Variants in PRDM5 observed in about 807,000 individuals in gnomAD.
The protein encoded by PRDM5 is PR domain zinc finger protein 5.
In PRDM5, 56 loss-of-function variants were observed where a neutral mutation model predicts 81.2. The observed-to-expected ratio is 0.69, with a 90% CI of 0.56 to 0.86. PRDM5 has a LOEUF of 0.86. Ranked by LOEUF, PRDM5 falls within the 40% of genes least tolerant of loss-of-function variation. The probability of loss-of-function intolerance (pLI) is 0.00; values close to 1 mark genes in which losing one functional copy is unlikely to be tolerated. For synonymous variants in PRDM5, 267 were observed against 256.4 expected, an observed-to-expected ratio of 1.04 and a Z score of -0.39; for missense variants, 697 against 770.1, an observed-to-expected ratio of 0.91 and a Z score of 1.12.
intron 1 of PRDM5, 31 bp downstream of exon 1, chr4:120,922,468 AGGGCGCGCGAGGTGCAG>A (rs768242130): frequency 4.4e-5 from 64 of 1,446,602 alleles, no homozygotes; most frequent in Middle Eastern, 4.6e-4. Flanking sequence ...CGGGAGGCAC[AGGGCGCGCGAGGTGCAG>A]GGGCGCGCAG....
chr4:120,741,137 T>A (rs1467148122), intron 14 of PRDM5, among the ~76,000 whole-genome samples: 1 of 152,140 alleles, frequency 6.6e-6, no homozygotes, highest in Non-Finnish European at 1.5e-5. Context: ...TATGCATGCC[T>A]CCTAATGTGT....
At chr4:120,919,863 T>C (rs186165558) in intron 1 of PRDM5, among the ~76,000 whole-genome samples, 7 of 152,330 alleles carry the variant, frequency 4.6e-5, no homozygotes, top group Non-Finnish European at 7.3e-5. Context: ...TGTAAAAGTA[T>C]GAATGAACTC....
At chr4:120,734,403 C>CAAACACACAAAT (rs1553952529) in intron 14 of PRDM5, among the ~76,000 whole-genome samples, 1 of 145,756 alleles carries the variant, frequency 6.9e-6, no homozygotes, top group African/African-American at 2.7e-5. Flanking sequence ...CACACACACA[C>CAAACACACAAAT]ACACACACAC....
intron 5 of PRDM5, 168 bp downstream of exon 5, chr4:120,818,185 T>A: frequency 1.6e-6 from 1 of 642,320 alleles, no homozygotes; most frequent in Non-Finnish European, 2.7e-6. Flanking sequence ...TAAGAAAAGA[T>A]GAGTTAATGA....
intron 14 of PRDM5, among the ~76,000 whole-genome samples, chr4:120,750,479 C>T (rs192286298): frequency 2.0e-5 from 3 of 152,234 alleles, no homozygotes; most frequent in Admixed American, 6.5e-5. Context: ...GCCTGCTGAG[C>T]GTCCAGGCCT....
At chr4:120,755,637 G>A (rs1744624987) in intron 13 of PRDM5, among the ~76,000 whole-genome samples, 1 of 152,090 alleles carries the variant, frequency 6.6e-6, no homozygotes, top group Non-Finnish European at 1.5e-5. Flanking sequence ...CTCTCATGGG[G>A]TCAACAATGC....
At chr4:120,793,205 A>G (rs1228103785) in intron 10 of PRDM5, among the ~76,000 whole-genome samples, 1 of 152,118 alleles carries the variant, frequency 6.6e-6, no homozygotes, top group Non-Finnish European at 1.5e-5. Context: ...TGGCGGCATT[A>G]GATTCTCACA....
intron 14 of PRDM5, among the ~76,000 whole-genome samples, chr4:120,736,640 G>A (rs550607782): frequency 2.7e-4 from 41 of 152,130 alleles, no homozygotes; most frequent in Non-Finnish European, 5.1e-4. Flanking sequence ...TTTACTCCAC[G>A]ACCCACCCAT....
At chr4:120,765,873 C>T (rs1043875716) in intron 13 of PRDM5, among the ~76,000 whole-genome samples, 1 of 152,048 alleles carries the variant, frequency 6.6e-6, no homozygotes, top group Non-Finnish European at 1.5e-5. Context: ...GTATCACATG[C>T]TTACATTGTG....
At chr4:120,721,942 G>A (rs770471549) in intron 14 of PRDM5, among the ~76,000 whole-genome samples, 7 of 152,202 alleles carry the variant, frequency 4.6e-5, no homozygotes, top group Non-Finnish European at 1.0e-4. Context: ...GGGCACGCGG[G>A]TGCCCAGAGA....
At chr4:120,852,733 A>G (rs1431429222) in intron 3 of PRDM5, among the ~76,000 whole-genome samples, 2 of 151,042 alleles carry the variant, frequency 1.3e-5, no homozygotes, top group African/African-American at 4.9e-5. Context: ...ATACATATAT[A>G]CACACAACCA....
In PRDM5 at chr4:120,796,166, A is replaced by G. The variant is rs144296020; in HGVS notation, c.1188+2101T>C. On this transcript the variant is annotated intron_variant, in intron 10 of 15. Transcript: ENST00000264808. ...ATTTCTGTGGCATATCCTTACTTCT[A>G]TGTTTCTCAACTAGCCATTAATGAT... is the stretch of plus-strand genomic sequence containing the variant. 7.4e-4 allele frequency among the ~76,000 whole-genome samples: 112 copies of G among 152,286 alleles called. 2 individuals carry two copies. Among genetic ancestry groups the G allele is most frequent in the African/African-American group, 2.6e-3 (108 of 41,554 alleles).
At chr4:120,837,377 TATC>T (rs1757483189) in intron 3 of PRDM5, 1 of 152,230 alleles carries the variant, frequency 6.6e-6, no homozygotes, top group African/African-American at 2.4e-5. Context: ...AGTAAAACAT[TATC>T]ATAGAGTTTC....
intron 15 of PRDM5, among the ~76,000 whole-genome samples, chr4:120,706,100 T>C (rs1481163551): frequency 6.6e-6 from 1 of 152,036 alleles, no homozygotes; most frequent in Non-Finnish European, 1.5e-5. Context: ...TTTTTTTTTT[T>C]TTCTTTTTGG....
chr4:120,691,283 C>G (rs188863765), downstream of PRDM5, among the ~76,000 whole-genome samples: 252 of 152,178 alleles, frequency 1.7e-3, 1 homozygote, highest in African/African-American at 6.0e-3. Flanking sequence ...TTCTGTCATA[C>G]AACAAATTAA....
At chr4:120,915,531 A>G (rs1724039928) in intron 1 of PRDM5, among the ~76,000 whole-genome samples, 1 of 152,222 alleles carries the variant, frequency 6.6e-6, no homozygotes, top group African/African-American at 2.4e-5. Flanking sequence ...TGCTGCAAGA[A>G]TGGCATGACA....
In PRDM5 at chr4:120,702,195, A is replaced by G. The variant is rs569540093; in HGVS notation, c.1729-6920T>C. 3.6e-4 allele frequency among the ~76,000 whole-genome samples: 55 copies of G among 152,336 alleles called. 1 individual carries two copies. Among genetic ancestry groups the G allele is most frequent in the African/African-American group, 1.3e-3 (54 of 41,566 alleles). On this transcript the variant is annotated intron_variant, in intron 15 of 15. Coordinates refer to ENST00000264808, the MANE Select transcript of PRDM5 (RefSeq NM_018699.4). Reference sequence around the variant, plus strand: ...TCATCCTCTCCAGTCCATGCTTCACATAACAGTTGAAATGACTTTTTGAAA... The same window carrying G: ...TCATCCTCTCCAGTCCATGCTTCACGTAACAGTTGAAATGACTTTTTGAAA...
At chr4:120,777,119 A>G in intron 13 of PRDM5, 69 bp downstream of exon 13, 1 of 1,611,136 alleles carries the variant, frequency 6.2e-7, no homozygotes, top group Non-Finnish European at 8.5e-7. Flanking sequence ...TTATTACAAT[A>G]TTTCCTGTCT....
At chr4:120,708,453 T>C (rs1736503762) in intron 15 of PRDM5, among the ~76,000 whole-genome samples, 1 of 152,042 alleles carries the variant, frequency 6.6e-6, no homozygotes, top group Non-Finnish European at 1.5e-5. Context: ...TCTATAGAAG[T>C]GAAAGCAGAT....
Sources: gnomAD v4.1 joint callset for allele counts (sites outside exome capture counted in the v4.1 genomes callset) on GRCh38, gnomAD v4.1.1 for gene constraint, MANE v1.5 for transcripts, NCBI Gene and HGNC (gene_info 2026-07-23, HGNC 2026-07-21) for gene names.